The following SLC4A10 variants were observed in gnomAD, a reference collection of about 807,000 sequenced individuals.
SLC4A10 encodes the protein solute carrier family 4 member 10.
SLC4A10 carries 42 observed loss-of-function variants against 137.7 expected under a neutral mutation model. That is an observed-to-expected ratio of 0.30 (90% CI 0.24 to 0.39). The LOEUF (loss-of-function observed/expected upper bound fraction) is 0.39, where lower values mean the gene tolerates loss of function less well. Ranked by LOEUF, SLC4A10 falls within the 10% of genes least tolerant of loss-of-function variation. The pLI is 1.00. For synonymous variants in SLC4A10, 474 were observed against 464.1 expected, an observed-to-expected ratio of 1.02 and a Z score of -0.27; for missense variants, 925 against 1,355.0, an observed-to-expected ratio of 0.68 and a Z score of 4.98.
intron 3 of SLC4A10, among the ~76,000 whole-genome samples, chr2:161,828,984 A>T (rs912710398): frequency 6.6e-6 from 1 of 150,888 alleles, no homozygotes; most frequent in African/African-American, 2.4e-5. Flanking sequence ...TGTATTTCTA[A>T]ATCCATTGCC....
chr2:161,663,356 T>G (rs2038670521), intron 1 of SLC4A10, among the ~76,000 whole-genome samples: 1 of 152,166 alleles, frequency 6.6e-6, no homozygotes. Context: ...ATCTTTTTCT[T>G]TGATGATTTG....
At chr2:161,797,966 A>G (rs2054959950) in intron 2 of SLC4A10, among the ~76,000 whole-genome samples, 1 of 152,092 alleles carries the variant, frequency 6.6e-6, no homozygotes, top group South Asian at 2.1e-4. Context: ...TCCCAGGGTC[A>G]GGTAACTATG....
At chr2:161,695,363 T>A (rs1263166997) in intron 1 of SLC4A10, among the ~76,000 whole-genome samples, 1 of 152,054 alleles carries the variant, frequency 6.6e-6, no homozygotes, top group African/African-American at 2.4e-5. Flanking sequence ...CAATACTAGT[T>A]GTTCTTGGAG....
intron 3 of SLC4A10, among the ~76,000 whole-genome samples, chr2:161,827,697 C>G (rs546586213): frequency 6.6e-6 from 1 of 152,036 alleles, no homozygotes; most frequent in East Asian, 1.9e-4. Context: ...TTCCGAGTAG[C>G]TGGGACTACA....
chr2:161,738,977 A>T (rs2047615874), intron 1 of SLC4A10, among the ~76,000 whole-genome samples: 2 of 152,304 alleles, frequency 1.3e-5, no homozygotes, highest in South Asian at 4.1e-4. Flanking sequence ...TGAAGATATA[A>T]ACCCACCTCT....
chr2:161,820,179 A>G (rs1409936386), intron 3 of SLC4A10, among the ~76,000 whole-genome samples: 3 of 152,284 alleles, frequency 2.0e-5, no homozygotes, highest in South Asian at 2.1e-4. Context: ...AATTGTGCAC[A>G]CTCTTTAGGA....
At chr2:161,843,068 A>G (rs946205372) in intron 4 of SLC4A10, among the ~76,000 whole-genome samples, 1 of 152,128 alleles carries the variant, frequency 6.6e-6, no homozygotes, top group African/African-American at 2.4e-5. Context: ...TTACCCTCAT[A>G]CTACATAATA....
At chr2:161,705,502 T>A (rs559838285) in intron 1 of SLC4A10, among the ~76,000 whole-genome samples, 2 of 151,724 alleles carry the variant, frequency 1.3e-5, no homozygotes, top group African/African-American at 2.4e-5. Flanking sequence ...ATAAATAGAG[T>A]TACCCTCAAT....
chr2:161,979,315 C>T (rs1265108493), intron 26 of SLC4A10, among the ~76,000 whole-genome samples: 1 of 152,208 alleles, frequency 6.6e-6, no homozygotes, highest in African/African-American at 2.4e-5. Context: ...ATCCAGATGA[C>T]TTCACATAGT....
At chr2:161,677,789 A>T (rs2040427463) in intron 1 of SLC4A10, among the ~76,000 whole-genome samples, 1 of 152,316 alleles carries the variant, frequency 6.6e-6, no homozygotes, top group East Asian at 1.9e-4. Context: ...TGGCAGCAAG[A>T]TTTGGCACAG....
At chr2:161,626,954 A>G (rs866126863) in intron 1 of SLC4A10, among the ~76,000 whole-genome samples, 3 of 152,260 alleles carry the variant, frequency 2.0e-5, no homozygotes, top group Middle Eastern at 3.4e-3. Flanking sequence ...ATATAGCATA[A>G]TATTTAGAAC....
At chr2:161,677,771 G>T (rs2040425356) in intron 1 of SLC4A10, among the ~76,000 whole-genome samples, 1 of 152,210 alleles carries the variant, frequency 6.6e-6, no homozygotes, top group African/African-American at 2.4e-5. Context: ...GGTACATAGA[G>T]AATTAAGTGG....
At chr2:161,624,706 C>G (rs2105358348) in intron 1 of SLC4A10, 140 bp downstream of exon 1, 1 of 1,153,108 alleles carries the variant, frequency 8.7e-7, no homozygotes, top group South Asian at 1.5e-5. Context: ...GGGTCTCCTC[C>G]CATCTTGGGA....
At chr2:161,976,439 G>T (rs1320989283) in intron 24 of SLC4A10, among the ~76,000 whole-genome samples, 1 of 152,160 alleles carries the variant, frequency 6.6e-6, no homozygotes, top group Non-Finnish European at 1.5e-5. Context: ...AATTATAGTT[G>T]CCAGGGACCG....
chr2:161,724,120 G>A (rs1331742991), intron 1 of SLC4A10, among the ~76,000 whole-genome samples: 41 of 152,078 alleles, frequency 2.7e-4, no homozygotes, highest in Admixed American at 2.6e-3. Context: ...AAATCTGCCC[G>A]TTCTTTTCTT....
In SLC4A10 at chr2:161,831,721, C is replaced by G. The variant is rs527710678; in HGVS notation, c.278-8068C>G. 5.3e-5 allele frequency among the ~76,000 whole-genome samples: 8 copies of G among 152,114 alleles called. No homozygotes were observed. The South Asian group carries it at 1.7e-3, about 32-fold the overall frequency. ...AATCCCAAGAATTCTTTTTTCCCCC[C>G]TCAAAGAATGCGTTGAAGAATGGGC... On this transcript the variant is annotated intron_variant, in intron 3 of 26. Coordinates refer to ENST00000446997, the MANE Select transcript of SLC4A10 (RefSeq NM_001178015.2).
intron 15 of SLC4A10, among the ~76,000 whole-genome samples, chr2:161,907,343 T>C (rs532672149): frequency 1.4e-4 from 21 of 152,270 alleles, no homozygotes; most frequent in African/African-American, 5.1e-4. Flanking sequence ...AGGGATAACA[T>C]TGATACACGC....
chr2:161,817,782 A>T (rs1389733912), intron 3 of SLC4A10, among the ~76,000 whole-genome samples: 1 of 152,006 alleles, frequency 6.6e-6, no homozygotes, highest in Non-Finnish European at 1.5e-5. Context: ...CAAAGATCAG[A>T]TAGTTGTAGA....
intron 4 of SLC4A10, 60 bp downstream of exon 4, chr2:161,839,987 G>A: frequency 6.3e-7 from 1 of 1,595,484 alleles, no homozygotes; most frequent in South Asian, 1.1e-5. Flanking sequence ...ACTAGAAAAA[G>A]AGATTTCTAA....
Sources: allele counts gnomAD v4.1 joint callset (sites outside exome capture counted in the v4.1 genomes callset), GRCh38; gene constraint gnomAD v4.1.1; transcripts MANE v1.5; gene names NCBI Gene and HGNC (gene_info 2026-07-23, HGNC 2026-07-21).